FRMD4A: variants seen among roughly 807,000 people sequenced by gnomAD.
FRMD4A encodes the protein FERM domain containing 4A.
A neutral mutation model predicts 129.1 loss-of-function variants in FRMD4A; 29 were observed. The observed-to-expected ratio is 0.22, with a 90% CI of 0.17 to 0.31. The LOEUF is 0.31. Ranked by LOEUF, FRMD4A falls within the 10% of genes least tolerant of loss-of-function variation. FRMD4A has a pLI of 1.00. For synonymous variants in FRMD4A, 634 were observed against 571.6 expected, an observed-to-expected ratio of 1.11 and a Z score of -1.56; for missense variants, 1,272 against 1,375.8, an observed-to-expected ratio of 0.92 and a Z score of 1.19.
At chr10:14,173,015 C>T (rs908588609) in intron 2 of FRMD4A, among the ~76,000 whole-genome samples, 1 of 151,662 alleles carries the variant, frequency 6.6e-6, no homozygotes, top group Non-Finnish European at 1.5e-5. Context: ...TGGTCAGGCT[C>T]ATTAACCAGC....
At chr10:14,285,004 C>T (rs1027950570) in intron 2 of FRMD4A, among the ~76,000 whole-genome samples, 5 of 152,160 alleles carry the variant, frequency 3.3e-5, no homozygotes, top group Non-Finnish European at 5.9e-5. Context: ...GAGCCTGATA[C>T]GAAGAAAGTA....
intron 4 of FRMD4A, among the ~76,000 whole-genome samples, chr10:13,802,255 C>A (rs1447917296): frequency 1.3e-5 from 2 of 152,164 alleles, no homozygotes; most frequent in East Asian, 1.9e-4. Context: ...TTGGCACCTT[C>A]AATAGAGATG....
At chr10:13,809,140 C>G (rs950168950) in intron 4 of FRMD4A, among the ~76,000 whole-genome samples, 1 of 152,194 alleles carries the variant, frequency 6.6e-6, no homozygotes, top group Non-Finnish European at 1.5e-5. Context: ...TCTCAACCCT[C>G]CTGGGAGAAG....
intron 15 of FRMD4A, among the ~76,000 whole-genome samples, chr10:13,682,184 A>T (rs1211834401): frequency 6.6e-6 from 1 of 152,102 alleles, no homozygotes. Context: ...TGATTGCGCC[A>T]CTGCACTCCA....
intron 6 of FRMD4A, among the ~76,000 whole-genome samples, chr10:13,766,695 A>T (rs1466952435): frequency 6.6e-6 from 1 of 152,144 alleles, no homozygotes; most frequent in Non-Finnish European, 1.5e-5. Context: ...TCATCCTTCC[A>T]GGTGGCTTTA....
chr10:13,656,529 T>C (rs1213435179), intron 22 of FRMD4A, 107 bp downstream of exon 22: 1 of 1,211,814 alleles, frequency 8.3e-7, no homozygotes, highest in East Asian at 3.2e-5. Flanking sequence ...TGATTCCCGT[T>C]CCTCACTGCA....
intron 2 of FRMD4A, among the ~76,000 whole-genome samples, chr10:13,884,696 C>A (rs2094597872): frequency 6.6e-6 from 1 of 152,112 alleles, no homozygotes; most frequent in Admixed American, 6.5e-5. Context: ...TCATCTGCTC[C>A]CAGTGATAGA....
At chr10:14,213,197 T>C (rs144787216) in intron 2 of FRMD4A, among the ~76,000 whole-genome samples, 2,245 of 152,202 alleles carry the variant, frequency 0.015, 59 homozygotes, top group African/African-American at 0.05. Context: ...TGAGCTATGA[T>C]TGTGCCACCA....
intron 2 of FRMD4A, among the ~76,000 whole-genome samples, chr10:13,993,631 A>G (rs1050368314): frequency 6.6e-6 from 1 of 152,186 alleles, no homozygotes; most frequent in Non-Finnish European, 1.5e-5. Flanking sequence ...CAAAACAAAA[A>G]AATGTTGCTG....
At chr10:14,060,999 CA>C (rs1319329577) in intron 2 of FRMD4A, among the ~76,000 whole-genome samples, 3 of 150,574 alleles carry the variant, frequency 2.0e-5, no homozygotes, top group African/African-American at 7.2e-5. Context: ...CTAATATACT[CA>C]GAGCACTTAC....
intron 2 of FRMD4A, among the ~76,000 whole-genome samples, chr10:13,963,100 C>T (rs529384063): frequency 6.6e-6 from 1 of 152,194 alleles, no homozygotes; most frequent in East Asian, 1.9e-4. Flanking sequence ...TTGCAAACGA[C>T]AGGGTGAGTG....
At chr10:13,869,619 C>T (rs1432687347) in intron 2 of FRMD4A, among the ~76,000 whole-genome samples, 8 of 152,332 alleles carry the variant, frequency 5.3e-5, no homozygotes, top group Middle Eastern at 3.4e-3. Flanking sequence ...GGGCAGAAGC[C>T]GCTCACAGGT....
intron 2 of FRMD4A, among the ~76,000 whole-genome samples, chr10:14,134,727 A>T (rs1469905689): frequency 6.6e-6 from 1 of 152,112 alleles, no homozygotes; most frequent in Non-Finnish European, 1.5e-5. Context: ...GGATGGGTGG[A>T]TAAGTGGATG....
chr10:14,121,661 C>A (rs1276557336), intron 2 of FRMD4A, among the ~76,000 whole-genome samples: 1 of 152,170 alleles, frequency 6.6e-6, no homozygotes, highest in Non-Finnish European at 1.5e-5. Flanking sequence ...CTCCCTCCTC[C>A]CCTGGAACTT....
chr10:13,693,572 G>T, intron 15 of FRMD4A: 2 of 1,131,934 alleles, frequency 1.8e-6, no homozygotes, highest in Non-Finnish European at 2.3e-6. Context: ...TTTCACCCTT[G>T]GACCTGACAT....
At chr10:14,150,312 C>T (rs1409051285) in intron 2 of FRMD4A, among the ~76,000 whole-genome samples, 1 of 152,136 alleles carries the variant, frequency 6.6e-6, no homozygotes, top group Non-Finnish European at 1.5e-5. Flanking sequence ...ATGTGGACTC[C>T]ATTGGTAAAA....
intron 6 of FRMD4A, among the ~76,000 whole-genome samples, chr10:13,781,809 G>A (rs1370773572): frequency 9.4e-6 from 1 of 106,836 alleles, no homozygotes; most frequent in African/African-American, 4.2e-5. Context: ...GTGGTTGCCA[G>A]TGGCTGAGGA....
chr10:14,268,811 T>A (rs1185214922), intron 2 of FRMD4A, among the ~76,000 whole-genome samples: 1 of 151,304 alleles, frequency 6.6e-6, no homozygotes. Flanking sequence ...TTCTGCTATG[T>A]GAAAACTCCC....
chr10:13,779,436 T>C (rs2092683899), intron 6 of FRMD4A, among the ~76,000 whole-genome samples: 1 of 152,224 alleles, frequency 6.6e-6, no homozygotes, highest in Non-Finnish European at 1.5e-5. Flanking sequence ...GAAAGTTCTC[T>C]GGTTTGTCCA....
Sources: gnomAD v4.1 joint callset for allele counts (sites outside exome capture counted in the v4.1 genomes callset) on GRCh38, gnomAD v4.1.1 for gene constraint, MANE v1.5 for transcripts, NCBI Gene and HGNC (gene_info 2026-07-23, HGNC 2026-07-21) for gene names.